The following CCSER1 variants were observed in gnomAD, a reference collection of about 807,000 sequenced individuals.
CCSER1 encodes serine-rich coiled-coil domain-containing protein 1.
In CCSER1, 41 loss-of-function variants were observed where a neutral mutation model predicts 82.0. The ratio of observed to expected loss-of-function variants is 0.50; its 90% CI spans 0.39 to 0.65. CCSER1 has a LOEUF of 0.65. Ranked by LOEUF, CCSER1 falls within the 30% of genes least tolerant of loss-of-function variation. CCSER1 has a pLI of 0.00. For synonymous variants in CCSER1, 414 were observed against 383.9 expected (o/e 1.08, Z -0.92); for missense variants, 1,119 against 1,064.2 (o/e 1.05, Z -0.72).
intron 6 of CCSER1, among the ~76,000 whole-genome samples, chr4:90,659,199 T>G (rs930191275): frequency 2.6e-5 from 4 of 151,838 alleles, no homozygotes; most frequent in East Asian, 1.9e-4. Flanking sequence ...AGGTAAAAAT[T>G]TCTGGGAGAT....
chr4:91,258,613 G>A (rs1740873439), intron 10 of CCSER1, among the ~76,000 whole-genome samples: 1 of 152,038 alleles, frequency 6.6e-6, no homozygotes, highest in African/African-American at 2.4e-5. Context: ...AAGTTATGAA[G>A]CTTAAAGATA....
chr4:91,320,121 G>T (rs1746097975), intron 10 of CCSER1, among the ~76,000 whole-genome samples: 1 of 152,006 alleles, frequency 6.6e-6, no homozygotes, highest in Non-Finnish European at 1.5e-5. Flanking sequence ...CTTGTATTCA[G>T]ATCACTGTTA....
intron 8 of CCSER1, among the ~76,000 whole-genome samples, chr4:90,913,473 C>T (rs1581051791): frequency 6.6e-6 from 1 of 152,056 alleles, no homozygotes; most frequent in Non-Finnish European, 1.5e-5. Flanking sequence ...GCCTGCCCTA[C>T]GAGAGCTCCT....
At chr4:91,066,983 G>A (rs552706832) in intron 9 of CCSER1, among the ~76,000 whole-genome samples, 3 of 152,152 alleles carry the variant, frequency 2.0e-5, no homozygotes, top group Non-Finnish European at 4.4e-5. Flanking sequence ...GGCTAACACG[G>A]TGAAACCCTG....
At chr4:90,227,815 G>T (rs566824346) in intron 1 of CCSER1, among the ~76,000 whole-genome samples, 1 of 152,220 alleles carries the variant, frequency 6.6e-6, no homozygotes. Flanking sequence ...CTCGGGAAGC[G>T]CAAAGAGTCA....
intron 9 of CCSER1, among the ~76,000 whole-genome samples, chr4:91,075,000 AG>A (rs1021423066): frequency 1.3e-5 from 2 of 152,178 alleles, no homozygotes; most frequent in East Asian, 3.9e-4. Flanking sequence ...ACAGGGAAGC[AG>A]GAGAAATCCT....
rs1344079039 is a variant in CCSER1 at position 90,541,267 on chromosome 4, G to A, written c.1724+72913G>A. On this transcript the variant is annotated intron_variant, in intron 5 of 10. Coordinates refer to ENST00000509176, the MANE Select transcript of CCSER1 (RefSeq NM_001145065.2). ...ACATTGAAGAAAGTCTGAGAAAAAA[G>A]CCAAATGTAAGAGAGAATGAATACT... Among the ~76,000 whole-genome samples, 3 of 152,128 alleles carry A rather than the reference G, an allele frequency of 2.0e-5. No individual in the cohort carries two copies. The East Asian group carries it at 5.8e-4, about 29-fold the overall frequency.
chr4:91,590,111 C>T (rs1000284223), intron 10 of CCSER1, among the ~76,000 whole-genome samples: 4 of 152,016 alleles, frequency 2.6e-5, no homozygotes, highest in Non-Finnish European at 5.9e-5. Context: ...GGGAGCTCTG[C>T]TGGCCTTATT....
chr4:90,813,893 A>T (rs1758657577), intron 7 of CCSER1, among the ~76,000 whole-genome samples: 2 of 152,102 alleles, frequency 1.3e-5, no homozygotes, highest in African/African-American at 2.4e-5. Context: ...CAGTTCCCCT[A>T]AGCAGTGCCC....
chr4:90,499,965 T>C (rs1363580888), intron 5 of CCSER1, among the ~76,000 whole-genome samples: 4 of 152,152 alleles, frequency 2.6e-5, no homozygotes, highest in African/African-American at 4.8e-5. Flanking sequence ...GATTTTAAAA[T>C]TGCAATTTTA....
intron 5 of CCSER1, among the ~76,000 whole-genome samples, chr4:90,501,222 T>C (rs1440214501): frequency 2.0e-5 from 3 of 152,300 alleles, no homozygotes; most frequent in African/African-American, 7.2e-5. Flanking sequence ...TCACAGGAAT[T>C]TCACTTGAAA....
At chr4:90,521,961 T>G (rs2153625362) in intron 5 of CCSER1, among the ~76,000 whole-genome samples, 1 of 152,292 alleles carries the variant, frequency 6.6e-6, no homozygotes, top group African/African-American at 2.4e-5. Context: ...TGATCTGTTT[T>G]CTCATTTCAC....
chr4:90,343,401 G>T (rs928942373), intron 3 of CCSER1, among the ~76,000 whole-genome samples: 1 of 152,120 alleles, frequency 6.6e-6, no homozygotes, highest in Non-Finnish European at 1.5e-5. Flanking sequence ...TGGATCATTT[G>T]AGGTCAGGGG....
At chr4:90,758,356 G>A (rs1010792037) in intron 7 of CCSER1, among the ~76,000 whole-genome samples, 2 of 150,918 alleles carry the variant, frequency 1.3e-5, no homozygotes, top group African/African-American at 4.9e-5. Context: ...TGCTAATGGG[G>A]GAAATAACAG....
chr4:91,323,533 T>G (rs536490160), intron 10 of CCSER1, among the ~76,000 whole-genome samples: 7 of 152,188 alleles, frequency 4.6e-5, no homozygotes, highest in Non-Finnish European at 1.0e-4. Flanking sequence ...TAAATAGAAC[T>G]CTTGAATTAT....
chr4:90,888,835 T>C (rs1435826724), intron 8 of CCSER1, among the ~76,000 whole-genome samples: 1 of 152,184 alleles, frequency 6.6e-6, no homozygotes, highest in Non-Finnish European at 1.5e-5. Context: ...TAAAGCTTTT[T>C]AACTCTATAT....
intron 1 of CCSER1, among the ~76,000 whole-genome samples, chr4:90,234,214 CTT>C (rs555966703): frequency 2.8e-5 from 4 of 141,440 alleles, no homozygotes; most frequent in African/African-American, 1.0e-4. Context: ...CTCTCTTATT[CTT>C]TTTTTTTTTT....
At chr4:90,217,520 A>G (rs1215941210) in intron 1 of CCSER1, among the ~76,000 whole-genome samples, 1 of 152,078 alleles carries the variant, frequency 6.6e-6, no homozygotes, top group Non-Finnish European at 1.5e-5. Context: ...TTCTAGGTAT[A>G]GAATTATATT....
chr4:90,371,654 G>A lies in CCSER1; in HGVS notation c.1510-28382G>A, dbSNP rs1241692987. Among the ~76,000 whole-genome samples the A allele has an allele frequency of 5.3e-5, 8 of 152,094 alleles. 1 individual carries two copies. The highest frequency in any genetic ancestry group is 1.9e-4 in the African/African-American group (8 of 41,418). On this transcript the variant is annotated intron_variant, in intron 3 of 10. Transcript: ENST00000509176. Reference sequence around the variant, plus strand: ...TAGGAATAATTTGGAACTACAAGAGGTCCTAGCCATCATTTAGTTCAATTT... The same window carrying A: ...TAGGAATAATTTGGAACTACAAGAGATCCTAGCCATCATTTAGTTCAATTT...
Sources: allele counts gnomAD v4.1 joint callset (sites outside exome capture counted in the v4.1 genomes callset), GRCh38; gene constraint gnomAD v4.1.1; transcripts MANE v1.5; gene names NCBI Gene and HGNC (gene_info 2026-07-23, HGNC 2026-07-21).